The following CLNK variants were observed in gnomAD, a reference collection of about 807,000 sequenced individuals.
The protein encoded by CLNK is cytokine-dependent hematopoietic cell linker.
CLNK carries 74 observed loss-of-function variants against 68.6 expected under a neutral mutation model. The observed-to-expected ratio is 1.08, with a 90% CI of 0.89 to 1.31. CLNK has a LOEUF of 1.31. Ranked by LOEUF, CLNK falls within the 50% of genes most tolerant of loss-of-function variation. CLNK has a pLI of 0.00. For synonymous variants in CLNK, 198 were observed against 172.2 expected (o/e 1.15, Z -1.17); for missense variants, 553 against 515.3 (o/e 1.07, Z -0.71).
At chr4:10,571,155 G>T (rs1347049105) in intron 5 of CLNK, among the ~76,000 whole-genome samples, 1 of 151,998 alleles carries the variant, frequency 6.6e-6, no homozygotes, top group South Asian at 2.1e-4. Context: ...CAGTGTATTG[G>T]TATTTTCACT....
At chr4:10,727,961 C>T in the CLNK span, among the ~76,000 whole-genome samples, 1 of 152,142 alleles carries the variant, frequency 6.6e-6, no homozygotes, top group Non-Finnish European at 1.5e-5. Flanking sequence ...GCATACTGTG[C>T]TCAAGGTTGA....
At chr4:10,517,531 C>T (rs1180099359) in intron 15 of CLNK, 1 of 152,160 alleles carries the variant, frequency 6.6e-6, no homozygotes, top group African/African-American at 2.4e-5. Flanking sequence ...GCAAACAGAG[C>T]TGTACTAATA....
chr4:10,595,037 C>A (rs141171351), intron 3 of CLNK, among the ~76,000 whole-genome samples: 1 of 151,920 alleles, frequency 6.6e-6, no homozygotes, highest in African/African-American at 2.4e-5. Flanking sequence ...GCGGAGATTG[C>A]GCGATTGCAC....
At chr4:10,696,981 C>T in the CLNK span, 3 of 152,106 alleles carry the variant, frequency 2.0e-5, no homozygotes, top group Non-Finnish European at 4.4e-5. Flanking sequence ...CCTGGTGATT[C>T]TTATGCACAT....
At chr4:10,633,374 C>T (rs1377774613) in intron 2 of CLNK, among the ~76,000 whole-genome samples, 1 of 152,178 alleles carries the variant, frequency 6.6e-6, no homozygotes, top group Non-Finnish European at 1.5e-5. Flanking sequence ...AGCTTTGTTG[C>T]GACTGATGGG....
intron 4 of CLNK, among the ~76,000 whole-genome samples, 160 bp downstream of exon 4, chr4:10,584,767 C>CT (rs1237154040): frequency 6.6e-6 from 1 of 152,164 alleles, no homozygotes; most frequent in Non-Finnish European, 1.5e-5. Flanking sequence ...ACAGATCAGG[C>CT]TGTACCCTGG....
chr4:10,668,928 G>A (rs935902399), intron 1 of CLNK, among the ~76,000 whole-genome samples: 26 of 152,124 alleles, frequency 1.7e-4, no homozygotes, highest in African/African-American at 6.0e-4. Flanking sequence ...AGCTTCCCTG[G>A]GCTCCCAGAT....
chr4:10,727,671 G>T, the CLNK span, among the ~76,000 whole-genome samples: 1 of 152,212 alleles, frequency 6.6e-6, no homozygotes, highest in African/African-American at 2.4e-5. Flanking sequence ...TCATCAGAAT[G>T]CTGACTGCAG....
intron 8 of CLNK, among the ~76,000 whole-genome samples, chr4:10,545,959 G>C (rs921859760): frequency 1.3e-5 from 2 of 152,162 alleles, no homozygotes; most frequent in South Asian, 4.1e-4. Flanking sequence ...TCCCAGGGTA[G>C]CTGTGGGCAG....
intron 2 of CLNK, among the ~76,000 whole-genome samples, chr4:10,606,206 C>CT (rs749493793): frequency 2.6e-5 from 4 of 152,122 alleles, no homozygotes; most frequent in Non-Finnish European, 5.9e-5. Context: ...ATTTTTATTA[C>CT]TTTTTAAACA....
chr4:10,651,458 T>G (rs964085995), intron 2 of CLNK, among the ~76,000 whole-genome samples: 3 of 152,102 alleles, frequency 2.0e-5, no homozygotes, highest in Non-Finnish European at 4.4e-5. Context: ...ACAGAAAACC[T>G]AACTCCGTAT....
chr4:10,597,199 G>A (rs1392769738), intron 3 of CLNK, among the ~76,000 whole-genome samples: 1 of 152,204 alleles, frequency 6.6e-6, no homozygotes, highest in East Asian at 1.9e-4. Context: ...ATTGGGATTC[G>A]AGGATTGATA....
the CLNK span, among the ~76,000 whole-genome samples, chr4:10,716,686 C>CTTTTTTT: frequency 4.3e-3 from 576 of 132,900 alleles, 13 homozygotes; most frequent in Middle Eastern, 0.033. Flanking sequence ...AGACAGAAAA[C>CTTTTTTT]TTTTTTTTTT....
chr4:10,553,538 G>A (rs1020071286), intron 8 of CLNK, among the ~76,000 whole-genome samples: 1 of 151,496 alleles, frequency 6.6e-6, no homozygotes, highest in South Asian at 2.1e-4. Flanking sequence ...TGCAACCTCC[G>A]CCTCCCAGGC....
At chr4:10,723,705 C>T in the CLNK span, among the ~76,000 whole-genome samples, 49,908 of 151,474 alleles carry the variant, frequency 0.33, 8,600 homozygotes, top group African/African-American at 0.42. Flanking sequence ...ATAATCATGC[C>T]TACCCCACAC....
chr4:10,719,245 A>G, the CLNK span, among the ~76,000 whole-genome samples: 9,685 of 152,228 alleles, frequency 0.064, 445 homozygotes, highest in East Asian at 0.13. Context: ...TAATTAAAAG[A>G]CAGATATTAG....
intron 11 of CLNK, among the ~76,000 whole-genome samples, chr4:10,539,818 C>T (rs1397009534): frequency 6.6e-6 from 1 of 152,086 alleles, no homozygotes; most frequent in Non-Finnish European, 1.5e-5. Context: ...AGCTGGGGGC[C>T]AATATTGGTC....
At chr4:10,687,663 G>A (rs117412335), upstream of CLNK, among the ~76,000 whole-genome samples, 28 of 152,288 alleles carry the variant, frequency 1.8e-4, no homozygotes, top group East Asian at 5.0e-3. Context: ...GCGAAAGGTG[G>A]CTAGCATGGA....
the CLNK span, among the ~76,000 whole-genome samples, chr4:10,703,635 G>A: frequency 2.0e-5 from 3 of 152,054 alleles, no homozygotes; most frequent in African/African-American, 4.8e-5. Context: ...GTCATTAGGC[G>A]ATTTTGTAGT....
Sources: allele counts gnomAD v4.1 joint callset (sites outside exome capture counted in the v4.1 genomes callset), GRCh38; gene constraint gnomAD v4.1.1; transcripts MANE v1.5; gene names NCBI Gene and HGNC (gene_info 2026-07-23, HGNC 2026-07-21).